NTN1: variants seen among roughly 807,000 people sequenced by gnomAD.
NTN1 encodes netrin-1.
In NTN1, 11 loss-of-function variants were observed where a neutral mutation model predicts 54.2. The ratio of observed to expected loss-of-function variants is 0.20; its 90% CI spans 0.13 to 0.34. The LOEUF is 0.34. NTN1 is among the 10% of genes least tolerant of loss of function. The pLI is 1.00. For synonymous variants in NTN1, 371 were observed against 382.0 expected (o/e 0.97, Z 0.33); for missense variants, 740 against 893.1 (o/e 0.83, Z 2.18).
chr17:9,133,754 AT>A (rs57053201), intron 2 of NTN1, among the ~76,000 whole-genome samples: 118 of 104,536 alleles, frequency 1.1e-3, no homozygotes, highest in Admixed American at 1.5e-3. Flanking sequence ...TGCCCAGCTA[AT>A]TTTTTTTTTT....
At chr17:9,226,438 GGTCTCGTGGGGAGGCT>G (rs1567744941) in intron 6 of NTN1, among the ~76,000 whole-genome samples, 236 of 88,918 alleles carry the variant, frequency 2.7e-3, no homozygotes, top group Middle Eastern at 4.8e-3. Flanking sequence ...GTGGGGAGGC[GGTCTCGTGGGGAGGCT>G]GTCTCGTGGG....
chr17:9,231,039 GTCT>G (rs1187744020), intron 6 of NTN1, among the ~76,000 whole-genome samples: 1 of 152,148 alleles, frequency 6.6e-6, no homozygotes, highest in Non-Finnish European at 1.5e-5. Flanking sequence ...GGAAAGGCTA[GTCT>G]TCTCCTGGCT....
intron 2 of NTN1, among the ~76,000 whole-genome samples, chr17:9,088,721 C>T (rs567024331): frequency 6.6e-6 from 1 of 152,258 alleles, no homozygotes; most frequent in East Asian, 1.9e-4. Context: ...TCAGACAGGG[C>T]TGGCAGCTTG....
At chr17:9,215,250 T>TATACACACAC (rs367934236) in intron 5 of NTN1, among the ~76,000 whole-genome samples, 2 of 138,210 alleles carry the variant, frequency 1.4e-5, no homozygotes, top group African/African-American at 5.4e-5. Context: ...GCTAGATAGA[T>TATACACACAC]ACACACACAC....
intron 2 of NTN1, among the ~76,000 whole-genome samples, chr17:9,160,460 A>G (rs2092354053): frequency 6.6e-6 from 1 of 152,114 alleles, no homozygotes; most frequent in Admixed American, 6.6e-5. Flanking sequence ...AATGTTCATT[A>G]TTATGAAAAA....
chr17:9,072,124 C>A (rs981357402), intron 2 of NTN1, among the ~76,000 whole-genome samples: 1 of 152,188 alleles, frequency 6.6e-6, no homozygotes, highest in Non-Finnish European at 1.5e-5. Flanking sequence ...GGCAGGAACC[C>A]CAAGGGGAGC....
chr17:9,013,574 T>C, the NTN1 span, among the ~76,000 whole-genome samples: 1 of 152,220 alleles, frequency 6.6e-6, no homozygotes, highest in Non-Finnish European at 1.5e-5. Flanking sequence ...GTATTTTAAA[T>C]GATGTCTCCC....
chr17:9,089,621 C>G (rs191296091), intron 2 of NTN1, among the ~76,000 whole-genome samples: 5 of 152,244 alleles, frequency 3.3e-5, no homozygotes, highest in African/African-American at 1.2e-4. Context: ...TGTTCATTGT[C>G]CCTTCTGAGA....
rs1906237324 is a variant in NTN1 at position 9,242,200 on chromosome 17, A to G, written c.*2232A>G. 1.3e-5 allele frequency: 2 copies of G among 152,492 alleles called. No individual in the cohort carries two copies. Among genetic ancestry groups the G allele is most frequent in the African/African-American group, 4.8e-5 (2 of 41,450 alleles). The allele number at this position is 152,492 out of a possible 1,614,324, so 9.4% of individuals were successfully genotyped here. A position where few individuals can be genotyped will look rare whatever the true frequency, so the allele number is the denominator to read the frequency against. On this transcript the variant is annotated 3_prime_UTR_variant, in exon 7 of 7. Transcript: ENST00000173229. ...GTTTTGGCTGCCTCAGGGTGGTTGG[A>G]GAGACTCCAGGAGAGACTGGCAGAG...
intron 5 of NTN1, among the ~76,000 whole-genome samples, chr17:9,191,335 C>T (rs1004832426): frequency 6.6e-6 from 1 of 152,166 alleles, no homozygotes; most frequent in Admixed American, 6.5e-5. Context: ...TGGTGCATGC[C>T]TGTAATCCCA....
chr17:9,066,397 G>A (rs1349204363), intron 2 of NTN1, among the ~76,000 whole-genome samples: 3 of 152,230 alleles, frequency 2.0e-5, no homozygotes, highest in African/African-American at 7.2e-5. Flanking sequence ...GGGAGGCTGA[G>A]GTGGGCGGAT....
chr17:9,175,541 C>G (rs1380091721), intron 3 of NTN1: 1 of 152,270 alleles, frequency 6.6e-6, no homozygotes, highest in East Asian at 1.9e-4. Flanking sequence ...AAACCTTAGC[C>G]TGTTAAGTTG....
intron 2 of NTN1, among the ~76,000 whole-genome samples, chr17:9,103,234 T>A (rs746296211): frequency 2.0e-5 from 3 of 152,234 alleles, no homozygotes; most frequent in Non-Finnish European, 2.9e-5. Context: ...CATAGCAGCA[T>A]GATTCACAGG....
chr17:9,164,163 TA>T (rs942653054), intron 3 of NTN1, among the ~76,000 whole-genome samples: 40 of 152,264 alleles, frequency 2.6e-4, no homozygotes, highest in African/African-American at 9.4e-4. Context: ...AAAATGAAAA[TA>T]GGGGGCTTCC....
chr17:9,126,078 C>T (rs1404969443), intron 2 of NTN1, among the ~76,000 whole-genome samples: 2 of 152,178 alleles, frequency 1.3e-5, no homozygotes, highest in African/African-American at 2.4e-5. Context: ...GCTGAATGAA[C>T]GACGCATGGG....
At chr17:9,131,215 T>C (rs2092264061) in intron 2 of NTN1, among the ~76,000 whole-genome samples, 1 of 152,178 alleles carries the variant, frequency 6.6e-6, no homozygotes, top group Non-Finnish European at 1.5e-5. Flanking sequence ...GATCACCCTG[T>C]AGAAAACCAT....
intron 2 of NTN1, among the ~76,000 whole-genome samples, chr17:9,078,748 G>A (rs2092060010): frequency 6.6e-6 from 1 of 152,150 alleles, no homozygotes; most frequent in South Asian, 2.1e-4. Flanking sequence ...ATGTCCCCAA[G>A]GAAAACTTGA....
chr17:9,141,178 G>A (rs1271384969), intron 2 of NTN1, among the ~76,000 whole-genome samples: 1 of 151,904 alleles, frequency 6.6e-6, no homozygotes, highest in Admixed American at 6.6e-5. Context: ...ATATATATTT[G>A]GGAGTCATTT....
intron 3 of NTN1, among the ~76,000 whole-genome samples, chr17:9,163,788 GC>G (rs142593160): frequency 9.1e-4 from 138 of 151,888 alleles, no homozygotes; most frequent in African/African-American, 2.6e-3. Context: ...GAGAAGCGGG[GC>G]CCCCCCCACC....
Sources: gnomAD v4.1 joint callset for allele counts (sites outside exome capture counted in the v4.1 genomes callset) on GRCh38, gnomAD v4.1.1 for gene constraint, MANE v1.5 for transcripts, NCBI Gene and HGNC (gene_info 2026-07-23, HGNC 2026-07-21) for gene names.